ULK4: variants seen among roughly 807,000 people sequenced by gnomAD.
The protein encoded by ULK4 is unc-51 like kinase 4.
In ULK4, 133 loss-of-function variants were observed where a neutral mutation model predicts 160.6. The ratio of observed to expected loss-of-function variants is 0.83; its 90% CI spans 0.72 to 0.96. The LOEUF (loss-of-function observed/expected upper bound fraction) is 0.96, where lower values mean the gene tolerates loss of function less well. Among genes scored for constraint, ULK4 ranks in the 40% least tolerant of loss-of-function variants. The pLI, the probability that ULK4 is intolerant of heterozygous loss-of-function variation, is 0.00. For synonymous variants in ULK4, 534 were observed against 539.8 expected, an observed-to-expected ratio of 0.99 and a Z score of 0.15; for missense variants, 1,580 against 1,499.5, an observed-to-expected ratio of 1.05 and a Z score of -0.89.
At chr3:41,341,717 A>G (rs949976062) in intron 35 of ULK4, among the ~76,000 whole-genome samples, 1 of 152,154 alleles carries the variant, frequency 6.6e-6, no homozygotes, top group Non-Finnish European at 1.5e-5. Flanking sequence ...TGGCAGCCAC[A>G]TTTGGTCCTA....
chr3:41,254,510 C>T (rs941659477), intron 35 of ULK4, among the ~76,000 whole-genome samples: 2 of 152,126 alleles, frequency 1.3e-5, no homozygotes, highest in African/African-American at 4.8e-5. Flanking sequence ...AGAGGGAAAT[C>T]TATAGTACTA....
chr3:41,394,395 A>G (rs1843919), intron 35 of ULK4, among the ~76,000 whole-genome samples: 3,469 of 152,176 alleles, frequency 0.023, 149 homozygotes, highest in African/African-American at 0.075. Flanking sequence ...GTTACTTCCC[A>G]ATAAACCCAT....
intron 2 of ULK4, among the ~76,000 whole-genome samples, chr3:41,951,890 C>G (rs1475440611): frequency 6.6e-6 from 1 of 152,172 alleles, no homozygotes; most frequent in Non-Finnish European, 1.5e-5. Flanking sequence ...ACAGAGCAAG[C>G]CCTTACAAGA....
At chr3:41,493,069 C>T (rs2084849456) in intron 32 of ULK4, among the ~76,000 whole-genome samples, 1 of 103,896 alleles carries the variant, frequency 9.6e-6, no homozygotes, top group Non-Finnish European at 2.1e-5. Flanking sequence ...AGCTCTGCAC[C>T]AAGCGGACCT....
At position 41,798,662 on chromosome 3, in the gene ULK4, G is replaced by A. The variant is rs370983045; in HGVS notation, c.2010+1470C>T. 1.9e-3 allele frequency among the ~76,000 whole-genome samples: 288 copies of A among 152,092 alleles called. 2 individuals are homozygous for A. The highest frequency in any genetic ancestry group is 6.4e-3 in the African/African-American group (264 of 41,492). On this transcript the variant is annotated intron_variant, in intron 20 of 36. Transcript: ENST00000301831. ...TTGGGCTAAAAGGGAAAAGTGGGCC[G>A]GAAAAGAGCAACAGTTATGTGGCAA... is the stretch of plus-strand genomic sequence containing the variant.
chr3:41,551,779 G>A (rs1168988284), intron 32 of ULK4, among the ~76,000 whole-genome samples: 1 of 151,630 alleles, frequency 6.6e-6, no homozygotes, highest in African/African-American at 2.4e-5. Context: ...TACAAGGCCA[G>A]CATTACCAAA....
chr3:41,489,024 C>T (rs984437122), intron 32 of ULK4, among the ~76,000 whole-genome samples: 1 of 152,122 alleles, frequency 6.6e-6, no homozygotes, highest in East Asian at 1.9e-4. Context: ...CAGCCCCCTT[C>T]TGCCTCCTCC....
rs145789616 is a variant in ULK4 at position 41,430,697 on chromosome 3, C to T, written c.3492+24800G>A. On this transcript the variant is annotated intron_variant, in intron 34 of 36. Transcript: ENST00000301831. ...TATAGAACATGCTGCATGGGAAAGG[C>T]CTCTGGGAGCCATAGGCAGGATAAT... Among the ~76,000 whole-genome samples the T allele has an allele frequency of 7.2e-5, 11 of 152,258 alleles. No homozygotes were observed. In the East Asian group the frequency reaches 2.1e-3, roughly 29 times the overall value.
intron 18 of ULK4, among the ~76,000 whole-genome samples, chr3:41,827,699 C>T (rs900811342): frequency 6.6e-6 from 1 of 152,184 alleles, no homozygotes; most frequent in Non-Finnish European, 1.5e-5. Context: ...GATGGATTCA[C>T]AGCCAAAATC....
intron 4 of ULK4, among the ~76,000 whole-genome samples, chr3:41,934,904 T>G (rs539401361): frequency 6.2e-4 from 94 of 152,142 alleles, no homozygotes; most frequent in African/African-American, 2.1e-3. Flanking sequence ...TCATTTACAA[T>G]ATAGGTTAGT....
intron 19 of ULK4, among the ~76,000 whole-genome samples, chr3:41,817,090 G>A (rs181537007): frequency 4.6e-5 from 7 of 151,476 alleles, no homozygotes; most frequent in Non-Finnish European, 1.0e-4. Context: ...GTGTGTGTGT[G>A]TACTCACGCA....
chr3:41,653,054 G>C (rs2034802335), intron 30 of ULK4, among the ~76,000 whole-genome samples: 1 of 151,938 alleles, frequency 6.6e-6, no homozygotes. Context: ...TACTAATCTA[G>C]AAGGAATGCC....
chr3:41,279,152 CGA>C (rs1411524509), intron 35 of ULK4, among the ~76,000 whole-genome samples: 1 of 148,538 alleles, frequency 6.7e-6, no homozygotes, highest in Middle Eastern at 3.3e-3. Context: ...GACGCATGCA[CGA>C]GTTTAAATAG....
chr3:41,695,989 T>C (rs57493405), intron 27 of ULK4, among the ~76,000 whole-genome samples: 29,330 of 152,162 alleles, frequency 0.19, 7,421 homozygotes, highest in African/African-American at 0.59. Context: ...AGAGGGCTCC[T>C]TGGTCTAGCG....
At chr3:41,935,645 G>C (rs1488837659) in intron 4 of ULK4, among the ~76,000 whole-genome samples, 156 bp downstream of exon 4, 1 of 152,114 alleles carries the variant, frequency 6.6e-6, no homozygotes, top group Non-Finnish European at 1.5e-5. Flanking sequence ...ACAGGCATGA[G>C]CCACCGTGCC....
In ULK4 at chr3:41,589,780, CAAT is replaced by C. The variant is rs773718104; in HGVS notation, c.3121-23653_3121-23651del. 2.0e-4 allele frequency among the ~76,000 whole-genome samples: 30 copies of C among 152,066 alleles called. No homozygotes were observed. In the Middle Eastern group the frequency reaches 0.01, roughly 52 times the overall value. On this transcript the variant is annotated intron_variant, in intron 31 of 36. Transcript: ENST00000301831. ...TATGACAGACTTAATGCAAAATATA[CAAT>C]GTCAGAAATGAAATATTGCTACACA...
At chr3:41,299,632 G>T (rs944904876) in intron 35 of ULK4, among the ~76,000 whole-genome samples, 1 of 152,146 alleles carries the variant, frequency 6.6e-6, no homozygotes, top group East Asian at 1.9e-4. Context: ...AGAGTTGGGG[G>T]TCTCCTAAAA....
chr3:41,762,629 G>C (rs758693936), intron 21 of ULK4, among the ~76,000 whole-genome samples: 23 of 148,276 alleles, frequency 1.6e-4, no homozygotes, highest in Non-Finnish European at 3.3e-4. Context: ...ACAGGAGAAA[G>C]AGCAAGAGAG....
chr3:41,320,969 G>C (rs2080234488), intron 35 of ULK4, among the ~76,000 whole-genome samples: 1 of 151,904 alleles, frequency 6.6e-6, no homozygotes, highest in South Asian at 2.1e-4. Context: ...TCTGGAACAA[G>C]TTTTAAGATG....
Sources: allele counts gnomAD v4.1 joint callset (sites outside exome capture counted in the v4.1 genomes callset), GRCh38; gene constraint gnomAD v4.1.1; transcripts MANE v1.5; gene names NCBI Gene and HGNC (gene_info 2026-07-23, HGNC 2026-07-21).